Variants in DRC3 observed in about 807,000 individuals in gnomAD.
DRC3 encodes leucine rich repeat containing 48.
In DRC3, 45 loss-of-function variants were observed where a neutral mutation model predicts 57.6. The ratio of observed to expected loss-of-function variants is 0.78; its 90% CI spans 0.62 to 1.00. DRC3 has a LOEUF of 1.00. Among genes scored for constraint, DRC3 ranks in the 50% least tolerant of loss-of-function variants. DRC3 has a pLI of 0.00. For missense variants in DRC3, 655 were observed against 675.2 expected, an observed-to-expected ratio of 0.97 and a Z score of 0.33; for synonymous variants, 257 against 272.3, an observed-to-expected ratio of 0.94 and a Z score of 0.55.
At chr17:18,004,319 T>G in intron 9 of DRC3, 44 bp from the exon 10 acceptor site, 1 of 1,565,940 alleles carries the variant, frequency 6.4e-7, no homozygotes, top group Non-Finnish European at 8.7e-7. Flanking sequence ...ATTATCTAAT[T>G]ACACTTAGTT....
chr17:18,000,211 TGC>T (rs2043655661), intron 9 of DRC3, among the ~76,000 whole-genome samples: 1 of 147,902 alleles, frequency 6.8e-6, no homozygotes, highest in Non-Finnish European at 1.5e-5. Flanking sequence ...TGTGTGTGTG[TGC>T]ATAGCATGCC....
chr17:18,012,562 G>T (rs566342928), intron 12 of DRC3, among the ~76,000 whole-genome samples: 17 of 152,242 alleles, frequency 1.1e-4, no homozygotes, highest in African/African-American at 4.1e-4. Context: ...CCTGCCTATA[G>T]TCCCAGCTAC....
Position 18,016,070 on chromosome 17 carries a change from G to A in DRC3, c.1333G>A (p.Val445Ile), listed in dbSNP as rs1444651369. 3 of 1,613,318 alleles carry A rather than the reference G, an allele frequency of 1.9e-6. No individual in the cohort carries two copies. In the African/African-American group the frequency reaches 4.0e-5, roughly 22 times the overall value. The change falls in exon 13 of 14, where the codon GTC becomes ATC. Residue 445 changes from valine (V) to isoleucine (I), a missense_variant. Val to Ile is a conservative substitution (Grantham distance 29). Coordinates refer to ENST00000399187, the MANE Select transcript of DRC3 (RefSeq NM_031294.4). Reference protein sequence around the residue: ...DLPNDLRALFVDKDTIVNAVG... With the variant: ...DLPNDLRALFIDKDTIVNAVG... ...GATTCTTTTCACTCACCAGCTTTTTGTCGATAAAGATACGATTGTTAATGC... is the reference window on the plus strand; with the variant it reads ...GATTCTTTTCACTCACCAGCTTTTTATCGATAAAGATACGATTGTTAATGC...
intron 5 of DRC3, among the ~76,000 whole-genome samples, chr17:17,988,834 T>A (rs529319244): frequency 2.7e-4 from 41 of 152,232 alleles, no homozygotes; most frequent in African/African-American, 9.9e-4. Flanking sequence ...GGTATGTAAG[T>A]CTGTCCAGCA....
intron 4 of DRC3, 140 bp from the exon 5 acceptor site, chr17:17,987,791 CT>C: frequency 1.3e-6 from 1 of 791,390 alleles, no homozygotes; most frequent in Non-Finnish European, 2.0e-6. Flanking sequence ...AAATCACAAA[CT>C]ATTAGACAGT....
chr17:18,005,264 T>C (rs1391431713), intron 10 of DRC3: 1 of 152,260 alleles, frequency 6.6e-6, no homozygotes, highest in African/African-American at 2.4e-5. Context: ...ATCCTACTTG[T>C]ATTACTGGTG....
chr17:18,011,943 C>A, intron 12 of DRC3: 1 of 152,660 alleles, frequency 6.6e-6, no homozygotes, highest in Non-Finnish European at 1.5e-5. Flanking sequence ...CTACCTCAGC[C>A]TCCCGAGTAC....
At chr17:17,974,710 C>T (rs944228062) in intron 2 of DRC3, among the ~76,000 whole-genome samples, 1 of 152,206 alleles carries the variant, frequency 6.6e-6, no homozygotes, top group African/African-American at 2.4e-5. Flanking sequence ...CCTGCTTGTC[C>T]TTCCAATCAG....
rs1429608987 is a variant in DRC3, at chr17:18,016,130, A to G, written c.1393A>G (p.Ile465Val). The change falls in exon 13 of 14, where the codon ATT becomes GTT. Residue 465 changes from isoleucine (I) to valine (V), a missense_variant. Transcript: ENST00000399187. ...ATCGCACGACATCCACCTCCTGAAG[A>G]TTGACAATCGAGAAGATGAGCTGGT... is the stretch of plus-strand genomic sequence containing the variant. ...GASHDIHLLK[I>V]DNREDELVTR... The G allele has an allele frequency of 6.2e-7, 1 of 1,613,980 alleles. No individual in the cohort carries two copies. Among genetic ancestry groups the G allele is most frequent in the African/African-American group, 1.3e-5 (1 of 75,040 alleles).
intron 4 of DRC3, among the ~76,000 whole-genome samples, chr17:17,987,393 C>CT (rs1236878872): frequency 1.3e-5 from 2 of 152,064 alleles, no homozygotes; most frequent in Non-Finnish European, 2.9e-5. Flanking sequence ...CTGTGGTTAG[C>CT]TGTGTGGCTT....
intron 8 of DRC3, among the ~76,000 whole-genome samples, chr17:17,995,912 A>C (rs538028315): frequency 1.1e-4 from 17 of 152,394 alleles, no homozygotes; most frequent in African/African-American, 4.1e-4. Context: ...AGACCAGTCT[A>C]GGCTAGGCAA....
Position 17,983,929 on chromosome 17 carries a change from C to G in DRC3, c.262C>G (p.His88Asp). Residue 88 changes from histidine to aspartate, a missense_variant, in exon 4 of 14, where the codon CAC (histidine) becomes GAC (aspartate). Transcript: ENST00000399187. ...EKIEGLENLA[H>D]LVWLDLSFNN... ...GATCGAGGGCCTGGAGAACCTCGCA[C>G]ACCTGGTCTGGCTGGGTAAGGCCCT... 5 of 1,611,786 alleles carry G rather than the reference C, an allele frequency of 3.1e-6. No individual in the cohort carries two copies. The highest frequency in any genetic ancestry group is 4.2e-6 in the Non-Finnish European group (5 of 1,178,090).
At chr17:18,011,806 G>A (rs1336415335) in intron 12 of DRC3, 2 of 188,458 alleles carry the variant, frequency 1.1e-5, no homozygotes, top group East Asian at 1.2e-4. Context: ...GAGGACTCAG[G>A]CTTCAGCTGT....
chr17:18,007,283 G>T, intron 12 of DRC3, 136 bp downstream of exon 12: 1 of 1,132,350 alleles, frequency 8.8e-7, no homozygotes. Context: ...ACACTAACCT[G>T]CTTTACAGGG....
chr17:18,005,926 A>G, intron 10 of DRC3: 2 of 487,040 alleles, frequency 4.1e-6, no homozygotes, highest in South Asian at 2.3e-5. Flanking sequence ...TAAGACCAGG[A>G]CAAGTGTTCC....
intron 12 of DRC3, among the ~76,000 whole-genome samples, chr17:18,013,641 G>T (rs899422131): frequency 6.6e-6 from 1 of 152,208 alleles, no homozygotes; most frequent in Non-Finnish European, 1.5e-5. Context: ...ACTGGGAAGG[G>T]TAGAGAGATG....
rs540193476 is a variant in DRC3, at chr17:17,987,596, G to C, written c.278-336G>C. 3.3e-5 allele frequency among the ~76,000 whole-genome samples: 5 copies of C among 152,298 alleles called. No homozygotes were observed. The South Asian group carries it at 1.0e-3, about 32-fold the overall frequency. The stretch of plus-strand genomic sequence containing the variant: ...TGAGGAAAGGGGACACTCCACCGCT[G>C]TCTACCCCGACCCCCAAGGGCACTG... On this transcript the variant is annotated intron_variant, in intron 4 of 13. Transcript: ENST00000399187.
chr17:17,988,220 GA>G, intron 5 of DRC3, 122 bp downstream of exon 5: 7 of 1,065,046 alleles, frequency 6.6e-6, no homozygotes, highest in Non-Finnish European at 9.3e-6. Flanking sequence ...CATTTTCCTG[GA>G]AAAGCCAGGA....
At position 17,992,898 on chromosome 17, in the gene DRC3, T is replaced by C. The variant is rs758208764; in HGVS notation, c.578T>C (p.Ile193Thr). 1.9e-6 allele frequency: 3 copies of C among 1,613,982 alleles called. No individual in the cohort carries two copies. The South Asian group carries it at 3.3e-5, about 18-fold the overall frequency. The stretch of plus-strand genomic sequence containing the variant: ...CTCATGTACCTGGACTACCGGCGCA[T>C]TGATGACCACACAGCAAGTGTCTCC... ...PDLMYLDYRR[I>T]DDHTKKLAEA... is the part of the protein sequence containing the mutation. Residue 193 changes from isoleucine to threonine, a missense_variant, in exon 6 of 14, where the codon ATT becomes ACT. Physicochemically the swap from Ile to Thr is moderately conservative, Grantham distance 89. Coordinates refer to ENST00000399187, the MANE Select transcript of DRC3 (RefSeq NM_031294.4).
Sources: allele counts gnomAD v4.1 joint callset (sites outside exome capture counted in the v4.1 genomes callset), GRCh38; gene constraint gnomAD v4.1.1; transcripts MANE v1.5; gene names NCBI Gene and HGNC (gene_info 2026-07-23, HGNC 2026-07-21).